Variants in CAMKMT observed in about 807,000 individuals in gnomAD.
The protein encoded by CAMKMT is CaM KMT.
A neutral mutation model predicts 48.0 loss-of-function variants in CAMKMT; 53 were observed. That is an observed-to-expected ratio of 1.10 (90% confidence interval 0.89 to 1.39). The LOEUF is 1.39. CAMKMT is among the 40% of genes most tolerant of loss of function. The probability of loss-of-function intolerance (pLI) is 0.00; values close to 1 mark genes in which losing one functional copy is unlikely to be tolerated. For missense variants in CAMKMT, 428 were observed against 402.7 expected, an observed-to-expected ratio of 1.06 and a Z score of -0.54; for synonymous variants, 165 against 152.3, an observed-to-expected ratio of 1.08 and a Z score of -0.61.
In CAMKMT at chr2:44,657,646, C is replaced by T. The variant is rs927452794; in HGVS notation, c.377-46637C>T. Among the ~76,000 whole-genome samples the T allele has an allele frequency of 6.6e-5, 10 of 152,160 alleles. No homozygotes were observed. The highest frequency in any genetic ancestry group is 2.4e-4 in the African/African-American group (10 of 41,424). ...GGGGCCACGTCTGAAAGCAGCTTAT[C>T]ACTTCACTAATACAGCAAAAGCAAG... On this transcript the variant is annotated intron_variant, in intron 3 of 10. Transcript: ENST00000378494. The surrounding 1 kb of genome is among the most constrained non-coding windows in gnomAD (Gnocchi z 4.3).
At chr2:44,754,028 T>C in intron 8 of CAMKMT, 27 bp from the exon 9 acceptor site, 5 of 1,597,500 alleles carry the variant, frequency 3.1e-6, no homozygotes, top group Non-Finnish European at 4.3e-6. Flanking sequence ...CAGTTTAATC[T>C]GGATTCTGCT....
chr2:44,501,462 G>T (rs1670002926), intron 3 of CAMKMT, among the ~76,000 whole-genome samples: 1 of 152,112 alleles, frequency 6.6e-6, no homozygotes, highest in Non-Finnish European at 1.5e-5. Flanking sequence ...GTTTCTACTA[G>T]AATATAGAGC....
intron 3 of CAMKMT, among the ~76,000 whole-genome samples, chr2:44,460,716 CTTTTTTTTT>C (rs1202949999): frequency 1.9e-5 from 2 of 103,236 alleles, no homozygotes; most frequent in Admixed American, 2.0e-4. Context: ...GTGATAGATT[CTTTTTTTTT>C]TTTTTTTTTT....
chr2:44,544,309 A>C (rs772999242), intron 3 of CAMKMT, among the ~76,000 whole-genome samples: 1 of 152,214 alleles, frequency 6.6e-6, no homozygotes, highest in Non-Finnish European at 1.5e-5. Flanking sequence ...CTGTTTATAC[A>C]AATCAAGACT....
chr2:44,371,812 G>A (rs1167271935), intron 1 of CAMKMT, among the ~76,000 whole-genome samples: 1 of 152,024 alleles, frequency 6.6e-6, no homozygotes. Flanking sequence ...ATAATTAATT[G>A]ATGTCATGAA....
intron 7 of CAMKMT, among the ~76,000 whole-genome samples, chr2:44,716,772 T>A (rs939701406): frequency 6.6e-6 from 1 of 152,200 alleles, no homozygotes; most frequent in African/African-American, 2.4e-5. Flanking sequence ...AAAGTGCATT[T>A]TCTATGTTGT....
intron 3 of CAMKMT, among the ~76,000 whole-genome samples, chr2:44,489,243 AT>A (rs11389463): frequency 0.022 from 2,392 of 107,656 alleles, 37 homozygotes; most frequent in African/African-American, 0.064. Flanking sequence ...ATGGAATACT[AT>A]TTTTTTTTTT....
intron 3 of CAMKMT, among the ~76,000 whole-genome samples, chr2:44,513,629 C>A (rs1670680362): frequency 6.6e-6 from 1 of 152,144 alleles, no homozygotes; most frequent in African/African-American, 2.4e-5. Flanking sequence ...TCCAAATGCG[C>A]CTTCTTCTAA....
chr2:44,436,711 A>G (rs1215762504), intron 3 of CAMKMT, among the ~76,000 whole-genome samples: 2 of 152,126 alleles, frequency 1.3e-5, no homozygotes, highest in African/African-American at 2.4e-5. Flanking sequence ...AGTAAGCCCT[A>G]TAGGTATCTA....
chr2:44,546,202 C>CACACACACAT (rs1205658214), intron 3 of CAMKMT, among the ~76,000 whole-genome samples: 54 of 139,014 alleles, frequency 3.9e-4, no homozygotes, highest in African/African-American at 1.3e-3. Context: ...CACACACACA[C>CACACACACAT]ATACATGCAC....
intron 3 of CAMKMT, among the ~76,000 whole-genome samples, chr2:44,440,374 T>G (rs1039722220): frequency 1.3e-5 from 2 of 152,160 alleles, no homozygotes; most frequent in Admixed American, 6.5e-5. Context: ...ACATTCAGAT[T>G]GTCCCCAGGG....
chr2:44,719,838 A>C (rs193238819), intron 7 of CAMKMT, among the ~76,000 whole-genome samples: 1 of 152,182 alleles, frequency 6.6e-6, no homozygotes. Flanking sequence ...GAGGAAGGTT[A>C]GTAGAAGGTA....
At position 44,766,420 on chromosome 2, in the gene CAMKMT, A is replaced by G. The variant is rs1558843211; in HGVS notation, c.763-10A>G. 4 of 1,612,794 alleles carry G rather than the reference A, an allele frequency of 2.5e-6. No individual in the cohort carries two copies. The highest frequency in any genetic ancestry group is 1.7e-4 in the Middle Eastern group (1 of 6,058). On this transcript the variant is annotated splice_polypyrimidine_tract_variant and intron_variant, in intron 9 of 10. Coordinates refer to ENST00000378494, the MANE Select transcript of CAMKMT (RefSeq NM_024766.5). ...TTTAAAATATGTGAATTTCCTTTTT[A>G]CTGTTCTAGGGGAAAGCGATGGTAT...
chr2:44,495,414 A>G (rs696597), intron 3 of CAMKMT, among the ~76,000 whole-genome samples: 113,285 of 152,028 alleles, frequency 0.75, 42,375 homozygotes, highest in South Asian at 0.87. Context: ...AAAGTGCTGG[A>G]ATTAAAGATG....
chr2:44,443,399 A>G (rs558301487), intron 3 of CAMKMT, among the ~76,000 whole-genome samples: 3 of 152,260 alleles, frequency 2.0e-5, no homozygotes, highest in African/African-American at 4.8e-5. Context: ...AAAAATTACT[A>G]TTAATATCAC....
chr2:44,723,957 T>A (rs1678633135), intron 7 of CAMKMT: 1 of 152,256 alleles, frequency 6.6e-6, no homozygotes, highest in Non-Finnish European at 1.5e-5. Flanking sequence ...GGAATTTACA[T>A]ATGTGAAATC....
chr2:44,639,513 G>A (rs1472679243), intron 3 of CAMKMT, among the ~76,000 whole-genome samples: 1 of 152,156 alleles, frequency 6.6e-6, no homozygotes, highest in South Asian at 2.1e-4. Context: ...GATAATTATG[G>A]TACCTACTTC....
At chr2:44,558,603 A>G (rs1434390675) in intron 3 of CAMKMT, among the ~76,000 whole-genome samples, 1 of 152,146 alleles carries the variant, frequency 6.6e-6, no homozygotes, top group Non-Finnish European at 1.5e-5. Flanking sequence ...ACACAGGCAT[A>G]AAAAAGAAGG....
intron 3 of CAMKMT, among the ~76,000 whole-genome samples, chr2:44,694,371 C>T (rs1314446658): frequency 2.6e-5 from 4 of 152,012 alleles, no homozygotes; most frequent in African/African-American, 9.7e-5. Context: ...CCCAGGAGTT[C>T]GAGACCAGCC....
Sources: allele counts gnomAD v4.1 joint callset (sites outside exome capture counted in the v4.1 genomes callset), GRCh38; gene constraint gnomAD v4.1.1; non-coding constraint Gnocchi (gnomAD v3.1); transcripts MANE v1.5; gene names NCBI Gene and HGNC (gene_info 2026-07-23, HGNC 2026-07-21).